CDC42BPA: variants seen among roughly 807,000 people sequenced by gnomAD.
CDC42BPA encodes serine/threonine-protein kinase MRCK alpha.
A neutral mutation model predicts 223.5 loss-of-function variants in CDC42BPA; 80 were observed. The ratio of observed to expected loss-of-function variants is 0.36; its 90% CI spans 0.30 to 0.43. The LOEUF (loss-of-function observed/expected upper bound fraction) is 0.43, where lower values mean the gene tolerates loss of function less well. Among genes scored for constraint, CDC42BPA ranks in the 20% least tolerant of loss-of-function variants. The probability of loss-of-function intolerance (pLI) is 1.00; values close to 1 mark genes in which losing one functional copy is unlikely to be tolerated. For missense variants in CDC42BPA, 1,743 were observed against 2,099.9 expected (o/e 0.83, Z 3.32); for synonymous variants, 694 against 718.6 (o/e 0.97, Z 0.55).
chr1:227,112,385 G>C lies in CDC42BPA; in HGVS notation c.1928C>G (p.Ser643Cys). The C allele has an allele frequency of 1.2e-6, 2 of 1,606,258 alleles. No individual in the cohort carries two copies. The highest frequency in any genetic ancestry group is 1.7e-6 in the Non-Finnish European group (2 of 1,176,488). ...CTGTTCACGTAGCTTCCTGTCTTTA[G>C]ATGCTTCAGCAGCTAGAGCTTCTGT... ...VHTEALAAEA[S>C]KDRKLREQSE... The change falls in exon 14 of 37, where the codon TCT (serine) becomes TGT (cysteine). Residue 643 changes from serine to cysteine, a missense_variant. Around this residue, in one of 6 missense-constraint regions of CDC42BPA, gnomAD observed 464 missense variants for 488.0 expected, o/e 0.95. Transcript: ENST00000366766.
At chr1:227,108,851 C>T (rs1294324190) in intron 14 of CDC42BPA, among the ~76,000 whole-genome samples, 2 of 152,084 alleles carry the variant, frequency 1.3e-5, no homozygotes, top group African/African-American at 4.8e-5. Flanking sequence ...TTCCACAAAC[C>T]TAGATGGTAC....
rs555559541 is a variant in CDC42BPA, at chr1:227,184,475, C to A, written c.599+9311G>T. Reference sequence around the variant, plus strand: ...CCTTTCTCAAAATCAGTTGAAAATACCTCTGTTAGCCTACATCTGGGCTTG... The same window carrying A: ...CCTTTCTCAAAATCAGTTGAAAATAACTCTGTTAGCCTACATCTGGGCTTG... On this transcript the variant is annotated intron_variant, in intron 5 of 36. Transcript: ENST00000366766. 2.6e-5 allele frequency among the ~76,000 whole-genome samples: 4 copies of A among 151,838 alleles called. No homozygotes were observed. The South Asian group carries it at 8.3e-4, about 32-fold the overall frequency.
intron 16 of CDC42BPA, among the ~76,000 whole-genome samples, chr1:227,090,382 C>T (rs1426502966): frequency 6.6e-6 from 1 of 152,142 alleles, no homozygotes; most frequent in Non-Finnish European, 1.5e-5. Context: ...GTCTTTCAGT[C>T]TGTTATTGGA....
chr1:227,181,879 C>G (rs1002940554), intron 5 of CDC42BPA, among the ~76,000 whole-genome samples: 7 of 152,150 alleles, frequency 4.6e-5, no homozygotes, highest in African/African-American at 1.7e-4. Flanking sequence ...AAGTATATTA[C>G]TTACATAAAA....
intron 11 of CDC42BPA, among the ~76,000 whole-genome samples, chr1:227,126,532 A>G (rs934248082): frequency 5.8e-5 from 8 of 138,684 alleles, no homozygotes; most frequent in Non-Finnish European, 1.1e-4. Flanking sequence ...AAGAAAGGAA[A>G]AAGAAGAAAA....
intron 5 of CDC42BPA, among the ~76,000 whole-genome samples, chr1:227,176,617 CTATT>C (rs147522158): frequency 0.099 from 15,087 of 152,094 alleles, 866 homozygotes; most frequent in Middle Eastern, 0.16. Flanking sequence ...CTACAACTGA[CTATT>C]TAATGAGCAA....
At chr1:227,305,146 A>G (rs1436030012) in intron 1 of CDC42BPA, among the ~76,000 whole-genome samples, 1 of 152,200 alleles carries the variant, frequency 6.6e-6, no homozygotes, top group Non-Finnish European at 1.5e-5. Flanking sequence ...TGGGGATGAC[A>G]GAGCATTAGG....
At chr1:227,297,951 TG>T (rs1388590618) in intron 1 of CDC42BPA, among the ~76,000 whole-genome samples, 2 of 70,596 alleles carry the variant, frequency 2.8e-5, no homozygotes, top group African/African-American at 9.2e-5. Context: ...TGTGTGTGTG[TG>T]TGTATATATA....
chr1:227,114,253 G>C (rs1245342321), intron 12 of CDC42BPA, among the ~76,000 whole-genome samples: 1 of 151,846 alleles, frequency 6.6e-6, no homozygotes, highest in African/African-American at 2.4e-5. Flanking sequence ...GCGGGGAGGA[G>C]GAAAATTAGA....
chr1:227,180,769 T>C (rs1467131195), intron 5 of CDC42BPA, among the ~76,000 whole-genome samples: 2 of 152,366 alleles, frequency 1.3e-5, no homozygotes, highest in East Asian at 3.8e-4. Flanking sequence ...CATAACATTC[T>C]AATCAGATGA....
chr1:227,095,784 G>T (rs1164732956), intron 15 of CDC42BPA, among the ~76,000 whole-genome samples: 1 of 151,988 alleles, frequency 6.6e-6, no homozygotes, highest in Non-Finnish European at 1.5e-5. Context: ...TAGAGATGGG[G>T]TTTTACAATA....
chr1:227,040,079 T>G lies in CDC42BPA; in HGVS notation c.3199+52A>C, dbSNP rs1671068462. The G allele has an allele frequency of 3.7e-6, 4 of 1,086,582 alleles. No individual in the cohort carries two copies. In the South Asian group the frequency reaches 5.0e-5, roughly 14 times the overall value. The allele number at this position is 1,086,582 out of a possible 1,614,324, so 67.3% of individuals were successfully genotyped here. ...CACCTTTGAAAGAGAATCAACTTAT[T>G]TGATTACAATTTAGATAGTGAAGTC... On this transcript the variant is annotated intron_variant, in intron 24 of 36. Transcript: ENST00000366766.
intron 5 of CDC42BPA, among the ~76,000 whole-genome samples, chr1:227,168,497 G>GTTTTTTTTTTTTTTGTTTTT (rs1665490706): frequency 1.2e-5 from 1 of 80,196 alleles, no homozygotes; most frequent in African/African-American, 5.0e-5. Flanking sequence ...CTTCCCTGGT[G>GTTTTTTTTTTTTTTGTTTTT]TTTTTTTTTT....
intron 10 of CDC42BPA, among the ~76,000 whole-genome samples, chr1:227,138,478 G>A (rs910408477): frequency 8.0e-6 from 1 of 125,624 alleles, no homozygotes. Flanking sequence ...GGGAAGGACA[G>A]GTTTATGAGG....
At chr1:227,199,533 T>A in intron 4 of CDC42BPA, 24 bp downstream of exon 4, 1 of 1,285,210 alleles carries the variant, frequency 7.8e-7, no homozygotes, top group Non-Finnish European at 1.1e-6. Context: ...AAACAGTATA[T>A]AGAAATACAA....
intron 2 of CDC42BPA, among the ~76,000 whole-genome samples, chr1:227,249,179 G>A (rs1606549): frequency 0.093 from 14,128 of 152,018 alleles, 838 homozygotes; most frequent in Middle Eastern, 0.17. Flanking sequence ...AGAATGTTAG[G>A]GAAAAGACAG....
At chr1:227,207,529 CCA>C (rs1261168895) in intron 3 of CDC42BPA, among the ~76,000 whole-genome samples, 4 of 115,474 alleles carry the variant, frequency 3.5e-5, no homozygotes, top group Admixed American at 1.0e-4. Context: ...CCCCACCCCA[CCA>C]CAGTCCCCAG....
chr1:227,191,765 CA>C lies in CDC42BPA; in HGVS notation c.599+2020del, dbSNP rs1267952045. Among the ~76,000 whole-genome samples the C allele has an allele frequency of 4.1e-4, 63 of 152,188 alleles. 1 individual carries two copies. Among genetic ancestry groups the C allele is most frequent in the Non-Finnish European group, 4.4e-5 (3 of 67,996 alleles). On this transcript the variant is annotated intron_variant, in intron 5 of 36. Coordinates refer to ENST00000366766, the MANE Select transcript of CDC42BPA (RefSeq NM_001394014.1). ...GGATTTTGGATTACTGTTTAAGCCA[CA>C]AAATAGCACTTTCGTTTCTCATTCT...
intron 5 of CDC42BPA, among the ~76,000 whole-genome samples, chr1:227,182,173 C>T (rs1325526436): frequency 2.0e-5 from 3 of 152,168 alleles, no homozygotes; most frequent in East Asian, 1.9e-4. Flanking sequence ...CATGGCTCAT[C>T]GGTCCTGCAC....
Sources: gnomAD v4.1 joint callset for allele counts (sites outside exome capture counted in the v4.1 genomes callset) on GRCh38, gnomAD v4.1.1 for gene constraint, gnomAD v4.1.1 regional missense constraint, MANE v1.5 for transcripts, NCBI Gene and HGNC (gene_info 2026-07-23, HGNC 2026-07-21) for gene names.